DIAPH3: variants seen among roughly 807,000 people sequenced by gnomAD.
DIAPH3 encodes protein diaphanous homolog 3.
DIAPH3 carries 117 observed loss-of-function variants against 144.3 expected under a neutral mutation model. The observed-to-expected ratio is 0.81, with a 90% confidence interval of 0.70 to 0.95. The LOEUF (loss-of-function observed/expected upper bound fraction) is 0.95, where lower values mean the gene tolerates loss of function less well. Among genes scored for constraint, DIAPH3 ranks in the 40% least tolerant of loss-of-function variants. The pLI is 0.00. For missense variants in DIAPH3, 1,421 were observed against 1,412.7 expected (o/e 1.01, Z -0.09); for synonymous variants, 519 against 488.9 (o/e 1.06, Z -0.81).
At chr13:59,677,891 A>C (rs2032730846) in intron 27 of DIAPH3, among the ~76,000 whole-genome samples, 1 of 152,172 alleles carries the variant, frequency 6.6e-6, no homozygotes, top group South Asian at 2.1e-4. Context: ...ATATACTCAC[A>C]AAATCTGAAT....
At chr13:59,861,911 A>C (rs1187060957) in intron 21 of DIAPH3, among the ~76,000 whole-genome samples, 1 of 152,216 alleles carries the variant, frequency 6.6e-6, no homozygotes, top group Non-Finnish European at 1.5e-5. Flanking sequence ...CTACTGTAGT[A>C]GTTGGAGACC....
At chr13:59,872,255 C>A (rs1293566434) in intron 21 of DIAPH3, among the ~76,000 whole-genome samples, 1 of 152,126 alleles carries the variant, frequency 6.6e-6, no homozygotes, top group Non-Finnish European at 1.5e-5. Flanking sequence ...TCGAACAAAA[C>A]TTTATAAGTT....
intron 27 of DIAPH3, among the ~76,000 whole-genome samples, chr13:59,759,869 C>T (rs2037485948): frequency 6.6e-6 from 1 of 152,054 alleles, no homozygotes; most frequent in African/African-American, 2.4e-5. Flanking sequence ...ATTGCTTGAA[C>T]CTGGGAGGCG....
At chr13:60,141,123 A>G (rs1318002275) in intron 1 of DIAPH3, among the ~76,000 whole-genome samples, 1 of 152,288 alleles carries the variant, frequency 6.6e-6, no homozygotes, top group East Asian at 1.9e-4. Flanking sequence ...ACTTTATGAC[A>G]CTTATTAATG....
intron 14 of DIAPH3, 51 bp from the exon 15 acceptor site, chr13:59,974,507 C>A (rs1160430444): frequency 1.4e-6 from 2 of 1,423,042 alleles, no homozygotes; most frequent in African/African-American, 2.8e-5. Flanking sequence ...AAATGAAAAG[C>A]ACTATTCTTC....
intron 14 of DIAPH3, among the ~76,000 whole-genome samples, chr13:59,978,742 A>G (rs908435109): frequency 2.6e-5 from 4 of 151,702 alleles, no homozygotes; most frequent in Admixed American, 1.3e-4. Flanking sequence ...CCTTATAAAA[A>G]CTGATATGAT....
intron 17 of DIAPH3, among the ~76,000 whole-genome samples, chr13:59,958,867 C>CTTTTTTTTTTT (rs932649097): frequency 1.1e-5 from 1 of 94,348 alleles, no homozygotes; most frequent in Non-Finnish European, 2.0e-5. Flanking sequence ...CTTCAATAAA[C>CTTTTTTTTTTT]TTTTTTTTTT....
rs146009107 is a variant in DIAPH3 at position 59,910,424 on chromosome 13, C to T, written c.2367+1311G>A. On this transcript the variant is annotated intron_variant, in intron 20 of 27. Transcript: ENST00000400324. ...ACTTTTTTTGTTTTCTTAAAGACAA[C>T]GAATTTAAAAGTTTTAGAAAAGGCC... 3.5e-3 allele frequency among the ~76,000 whole-genome samples: 539 copies of T among 152,028 alleles called. 4 individuals are homozygous for T. The highest frequency in any genetic ancestry group is 0.013 in the African/African-American group (523 of 41,508).
At chr13:60,140,294 T>A (rs2059397886) in intron 1 of DIAPH3, among the ~76,000 whole-genome samples, 2 of 152,216 alleles carry the variant, frequency 1.3e-5, no homozygotes, top group Non-Finnish European at 2.9e-5. Flanking sequence ...ACAAATCCCA[T>A]GTTCACACTT....
At chr13:59,947,732 T>TA (rs2140420545) in intron 17 of DIAPH3, among the ~76,000 whole-genome samples, 1 of 149,960 alleles carries the variant, frequency 6.7e-6, no homozygotes, top group South Asian at 2.1e-4. Flanking sequence ...GACTCTGTAT[T>TA]TAAAAAAAAA....
chr13:59,956,145 T>A (rs2049388079), intron 17 of DIAPH3, among the ~76,000 whole-genome samples: 1 of 152,222 alleles, frequency 6.6e-6, no homozygotes, highest in South Asian at 2.1e-4. Flanking sequence ...AAAACTCATT[T>A]TCTGAGGAGA....
Position 59,839,387 on chromosome 13 carries a change from C to G in DIAPH3, c.2799G>C (p.Glu933Asp). The G allele has an allele frequency of 6.2e-7, 1 of 1,613,792 alleles. No homozygotes were observed. The highest frequency in any genetic ancestry group is 8.5e-7 in the Non-Finnish European group (1 of 1,179,824). Residue 933 changes from glutamate to aspartate, a missense_variant, in exon 23 of 28, where the codon GAG becomes GAC. Glu to Asp is a conservative substitution (Grantham distance 45). Coordinates refer to ENST00000400324, the MANE Select transcript of DIAPH3 (RefSeq NM_001042517.2). The part of the protein sequence containing the change: ...RQMGRQLQQL[E>D]KELETFPPPE... ...GAGGGGGAAAGGTTTCCAATTCCTT[C>G]TCAAGCTGTTGAAGCTGCCTTCCCA...
intron 9 of DIAPH3, among the ~76,000 whole-genome samples, chr13:60,003,786 T>C (rs1342597995): frequency 3.3e-5 from 5 of 152,184 alleles, no homozygotes; most frequent in Non-Finnish European, 7.4e-5. Flanking sequence ...TTCACCAGGT[T>C]AGCCAGGATG....
In DIAPH3 at chr13:59,872,842, T is replaced by C. The variant is rs373119960; in HGVS notation, c.2607+6387A>G. ...GTGTTTGGGGGAAAGGGTAGTTTGATAGAGAAGCTATGCTTGCTATGAGAG... is the reference window on the plus strand; with the variant it reads ...GTGTTTGGGGGAAAGGGTAGTTTGACAGAGAAGCTATGCTTGCTATGAGAG... On this transcript the variant is annotated intron_variant, in intron 21 of 27. Transcript: ENST00000400324. Among the ~76,000 whole-genome samples the C allele has an allele frequency of 5.3e-5, 8 of 152,314 alleles. No individual in the cohort carries two copies. The South Asian group carries it at 1.0e-3, about 20-fold the overall frequency.
intron 20 of DIAPH3, among the ~76,000 whole-genome samples, chr13:59,904,172 A>G (rs1439793594): frequency 6.6e-6 from 1 of 152,212 alleles, no homozygotes; most frequent in Non-Finnish European, 1.5e-5. Flanking sequence ...CAAATTGTCT[A>G]GCAATGATGA....
intron 5 of DIAPH3, among the ~76,000 whole-genome samples, chr13:60,016,705 A>T (rs904655296): frequency 2.0e-5 from 3 of 152,232 alleles, no homozygotes; most frequent in African/African-American, 7.2e-5. Flanking sequence ...ATTCCTACAA[A>T]TGTTAAGAAT....
chr13:59,842,457 C>T (rs1353042321), intron 22 of DIAPH3, among the ~76,000 whole-genome samples: 1 of 152,026 alleles, frequency 6.6e-6, no homozygotes, highest in Non-Finnish European at 1.5e-5. Context: ...GTTCCAACAC[C>T]AATCAATTGT....
chr13:59,752,916 T>C (rs1459425131), intron 27 of DIAPH3, among the ~76,000 whole-genome samples: 2 of 152,228 alleles, frequency 1.3e-5, no homozygotes, highest in East Asian at 3.8e-4. Context: ...GAACAGAAAT[T>C]ATCTCTCTTA....
At chr13:59,870,150 T>C (rs1291653591) in intron 21 of DIAPH3, among the ~76,000 whole-genome samples, 1 of 151,808 alleles carries the variant, frequency 6.6e-6, no homozygotes, top group Non-Finnish European at 1.5e-5. Flanking sequence ...TTGTGAAAGA[T>C]ATTAGGTCTG....
Sources: allele counts gnomAD v4.1 joint callset (sites outside exome capture counted in the v4.1 genomes callset), GRCh38; gene constraint gnomAD v4.1.1; transcripts MANE v1.5; gene names NCBI Gene and HGNC (gene_info 2026-07-23, HGNC 2026-07-21).